OCA2: variants seen among roughly 807,000 people sequenced by gnomAD.
OCA2 encodes the protein OCA2 melanosomal transmembrane protein, also known as P protein.
In OCA2, 77 loss-of-function variants were observed where a neutral mutation model predicts 100.2. The observed-to-expected ratio is 0.77, with a 90% CI of 0.64 to 0.93. The LOEUF (loss-of-function observed/expected upper bound fraction) is 0.93, where lower values mean the gene tolerates loss of function less well. Among genes scored for constraint, OCA2 ranks in the 40% least tolerant of loss-of-function variants. The pLI, the probability that OCA2 is intolerant of heterozygous loss-of-function variation, is 0.00. For synonymous variants in OCA2, 432 were observed against 439.2 expected (o/e 0.98, Z 0.21); for missense variants, 1,062 against 1,089.1 (o/e 0.98, Z 0.35).
At chr15:27,914,364 C>G (rs7496015) in intron 19 of OCA2, among the ~76,000 whole-genome samples, 1 of 151,974 alleles carries the variant, frequency 6.6e-6, no homozygotes, top group African/African-American at 2.4e-5. Context: ...CTAGCCAGAG[C>G]AATCAGGCAA....
At chr15:27,927,689 C>T (rs542193510) in intron 18 of OCA2, among the ~76,000 whole-genome samples, 1 of 151,896 alleles carries the variant, frequency 6.6e-6, no homozygotes, top group South Asian at 2.1e-4. Context: ...AACATTTGAT[C>T]AGCCTTTCTG....
At chr15:27,720,923 G>A in the OCA2 span, among the ~76,000 whole-genome samples, 4 of 152,126 alleles carry the variant, frequency 2.6e-5, no homozygotes, top group African/African-American at 7.2e-5. Context: ...TCCTGAGGCT[G>A]AGTCCCTTCA....
In OCA2 at chr15:28,099,291, G is replaced by A. The variant is rs1391683000; in HGVS notation, c.-89C>T. Reference sequence around the variant, plus strand: ...CGCACCTCCGCTCTGGATGGTGAGCGGAGCACAGCCTTCGAAGTAAGAACT... The same window carrying A: ...CGCACCTCCGCTCTGGATGGTGAGCAGAGCACAGCCTTCGAAGTAAGAACT... On this transcript the variant is annotated 5_prime_UTR_variant, in exon 1 of 24. Coordinates refer to ENST00000354638, the MANE Select transcript of OCA2 (RefSeq NM_000275.3). 2 of 152,278 alleles carry A rather than the reference G, an allele frequency of 1.3e-5. No individual in the cohort carries two copies. The highest frequency in any genetic ancestry group is 2.9e-5 in the Non-Finnish European group (2 of 68,074). 9.4% of individuals were successfully genotyped at this position (152,278 alleles called of 1,614,324 possible). A position where few individuals can be genotyped will look rare whatever the true frequency, so the allele number is the denominator to read the frequency against.
Position 28,016,764 on chromosome 15 carries a change from G to C in OCA2, c.808-578C>G, listed in dbSNP as rs557624229. 1.2e-4 allele frequency among the ~76,000 whole-genome samples: 18 copies of C among 152,300 alleles called. No individual in the cohort carries two copies. The East Asian group carries it at 3.5e-3, about 29-fold the overall frequency. ...CCACTACACCCCAGCCTGGGCAACA[G>C]AGTGAGACCCCCGACTCTAAAAATT... On this transcript the variant is annotated intron_variant, in intron 7 of 23. Transcript: ENST00000354638.
chr15:27,829,847 A>G (rs937504448), intron 23 of OCA2, among the ~76,000 whole-genome samples: 3 of 152,234 alleles, frequency 2.0e-5, no homozygotes, highest in South Asian at 2.1e-4. Flanking sequence ...AGTTGCAGCT[A>G]TTTTAATATA....
In OCA2 at chr15:27,833,743, A is replaced by G. The variant is rs1211717068; in HGVS notation, c.2432+11216T>C. On this transcript the variant is annotated intron_variant, in intron 23 of 23. Transcript: ENST00000354638. ...GCAGAGAGAAATTTCCCCTTAGACG[A>G]CTCTATAGCATCATTTTTCAACTTT... is the stretch of plus-strand genomic sequence containing the variant. 5.9e-5 allele frequency among the ~76,000 whole-genome samples: 9 copies of G among 152,104 alleles called. No individual in the cohort carries two copies. The South Asian group carries it at 1.7e-3, about 28-fold the overall frequency.
At chr15:27,811,034 G>A (rs768295054) in intron 23 of OCA2, among the ~76,000 whole-genome samples, 11 of 139,878 alleles carry the variant, frequency 7.9e-5, no homozygotes, top group Middle Eastern at 3.6e-3. Flanking sequence ...CTACCCAAAG[G>A]CAAAGAAGTC....
Position 27,985,204 on chromosome 15 carries a change from CAG to C in OCA2, c.1240-18_1240-17del, listed in dbSNP as rs756829072. The stretch of plus-strand genomic sequence containing the variant: ...GCCGGTATGCCTGGCCACACACACA[CAG>C]AGAGAGTACAAGCCAGAGTGAGCAG... On this transcript the variant is annotated splice_polypyrimidine_tract_variant and intron_variant, in intron 12 of 23. Coordinates refer to ENST00000354638, the MANE Select transcript of OCA2 (RefSeq NM_000275.3). 16 of 1,613,094 alleles carry C rather than the reference CAG, an allele frequency of 9.9e-6. No individual in the cohort carries two copies. The South Asian group carries it at 1.1e-4, about 11-fold the overall frequency.
chr15:27,829,301 A>ATAGATAGATAGAT (rs2034860570), intron 23 of OCA2, among the ~76,000 whole-genome samples: 1 of 151,060 alleles, frequency 6.6e-6, no homozygotes, highest in Non-Finnish European at 1.5e-5. Flanking sequence ...AGATAGATAG[A>ATAGATAGATAGAT]TAGATAGATA....
intron 2 of OCA2, among the ~76,000 whole-genome samples, chr15:28,062,923 C>T (rs2141680306): frequency 6.6e-6 from 1 of 152,198 alleles, no homozygotes; most frequent in East Asian, 1.9e-4. Flanking sequence ...TATGTCTATC[C>T]TTATGCCAGA....
intron 21 of OCA2, among the ~76,000 whole-genome samples, chr15:27,867,806 C>T (rs2036384220): frequency 6.6e-6 from 1 of 152,202 alleles, no homozygotes; most frequent in Non-Finnish European, 1.5e-5. Flanking sequence ...TGTATGTTAA[C>T]TGCTCACAGA....
At chr15:27,872,584 C>T (rs1487565495) in intron 19 of OCA2, among the ~76,000 whole-genome samples, 2 of 152,204 alleles carry the variant, frequency 1.3e-5, no homozygotes, top group Non-Finnish European at 1.5e-5. Context: ...GGCTCAGCTG[C>T]CCAGCACCTC....
intron 18 of OCA2, among the ~76,000 whole-genome samples, chr15:27,928,201 A>T (rs1221444492): frequency 1.3e-5 from 2 of 152,186 alleles, no homozygotes; most frequent in African/African-American, 4.8e-5. Context: ...AATGAAACCC[A>T]AAATAAGTAG....
At chr15:28,088,630 T>A (rs1016470492) in intron 1 of OCA2, among the ~76,000 whole-genome samples, 13 of 152,114 alleles carry the variant, frequency 8.5e-5, no homozygotes, top group African/African-American at 3.1e-4. Context: ...AGGGGAGACA[T>A]CACATGTCGG....
At chr15:28,039,114 AACT>A (rs1292192750) in intron 2 of OCA2, among the ~76,000 whole-genome samples, 1 of 152,042 alleles carries the variant, frequency 6.6e-6, no homozygotes, top group Admixed American at 6.5e-5. Context: ...AAGTTATAAC[AACT>A]ACAAATAATA....
At chr15:27,890,094 A>G (rs1271640906) in intron 19 of OCA2, among the ~76,000 whole-genome samples, 1 of 152,248 alleles carries the variant, frequency 6.6e-6, no homozygotes, top group African/African-American at 2.4e-5. Flanking sequence ...GATAATAAAG[A>G]AAAGAATCAG....
At chr15:28,098,944 C>T (rs981238438) in intron 1 of OCA2, among the ~76,000 whole-genome samples, 3 of 152,232 alleles carry the variant, frequency 2.0e-5, no homozygotes, top group Non-Finnish European at 2.9e-5. Flanking sequence ...AAACTCCCCC[C>T]ACCCATGACC....
intron 2 of OCA2, among the ~76,000 whole-genome samples, chr15:28,050,122 A>C (rs2043463801): frequency 6.6e-6 from 1 of 151,292 alleles, no homozygotes; most frequent in African/African-American, 2.4e-5. Flanking sequence ...CTCCAGAAAA[A>C]AAAATGTTAA....
intron 5 of OCA2, 43 bp from the exon 6 acceptor site, chr15:28,022,616 G>A: frequency 7.1e-7 from 1 of 1,399,050 alleles, no homozygotes. Context: ...TGTGGTATGA[G>A]AGCAGTAAGG....
Sources: allele counts gnomAD v4.1 joint callset (sites outside exome capture counted in the v4.1 genomes callset), GRCh38; gene constraint gnomAD v4.1.1; transcripts MANE v1.5; gene names NCBI Gene and HGNC (gene_info 2026-07-23, HGNC 2026-07-21).